The following SSBP4 variants were observed in gnomAD, a reference collection of about 807,000 sequenced individuals.
SSBP4 encodes the protein single-stranded DNA-binding protein 4.
A neutral mutation model predicts 64.6 loss-of-function variants in SSBP4; 33 were observed. That is an observed-to-expected ratio of 0.51 (90% CI 0.39 to 0.68). The LOEUF (loss-of-function observed/expected upper bound fraction) is 0.68. Ranked by LOEUF, SSBP4 falls within the 30% of genes least tolerant of loss-of-function variation. SSBP4 has a pLI of 0.00. For synonymous variants in SSBP4, 243 were observed against 224.0 expected (o/e 1.08, Z -0.76); for missense variants, 583 against 566.8 (o/e 1.03, Z -0.29).
the SSBP4 span, among the ~76,000 whole-genome samples, chr19:18,403,500 G>C: frequency 2.6e-5 from 4 of 152,262 alleles, 1 homozygote; most frequent in African/African-American, 9.6e-5. Flanking sequence ...GAGGTCTGTG[G>C]GTTCTGGGGT....
In SSBP4 at chr19:18,427,181, G is replaced by A. The variant is rs1055784264; in HGVS notation, c.60-170G>A. Among the ~76,000 whole-genome samples the A allele has an allele frequency of 2.6e-5, 4 of 152,122 alleles. No homozygotes were observed. Among genetic ancestry groups the A allele is most frequent in the Non-Finnish European group, 1.5e-5 (1 of 67,992 alleles). ...AATTCGGCCCGGAATTGGGGGTCAC[G>A]GATGCCTGGGAGGGGCCTGCAGGAC... is the stretch of plus-strand genomic sequence containing the variant. On this transcript the variant is annotated intron_variant, in intron 1 of 17. Transcript: ENST00000270061. This position sits in a 1 kb window ranked among gnomAD's most constrained non-coding sequence, Gnocchi z 4.4.
intron 15 of SSBP4, 66 bp from the exon 16 acceptor site, chr19:18,433,519 C>G (rs1973673549): frequency 3.2e-6 from 5 of 1,541,264 alleles, no homozygotes; most frequent in East Asian, 2.5e-5. Context: ...GTCGTTGGCC[C>G]CTGGAGGCCG....
At chr19:18,420,653 A>C (rs538037437) in intron 1 of SSBP4, among the ~76,000 whole-genome samples, 2 of 151,998 alleles carry the variant, frequency 1.3e-5, no homozygotes, top group African/African-American at 4.8e-5. Context: ...AGGCCAAGAG[A>C]TCGAGACAAT....
At chr19:18,414,146 A>C (rs1035140308), upstream of SSBP4, among the ~76,000 whole-genome samples, 2 of 152,204 alleles carry the variant, frequency 1.3e-5, no homozygotes, top group Non-Finnish European at 2.9e-5. Flanking sequence ...GCCAGCGTGC[A>C]CCCAGAGCTA....
At chr19:18,433,853 G>T (rs1426716006) in intron 17 of SSBP4, 36 bp downstream of exon 17, 3 of 1,232,968 alleles carry the variant, frequency 2.4e-6, no homozygotes, top group Non-Finnish European at 2.0e-6. Context: ...CCGCGGCGGC[G>T]TCGGGCCGGA....
chr19:18,433,228 C>G lies in SSBP4; in HGVS notation c.991+15C>G, dbSNP rs1973612622. On this transcript the variant is annotated intron_variant, in intron 15 of 17. Coordinates refer to ENST00000270061, the MANE Select transcript of SSBP4 (RefSeq NM_032627.5). ...CGGATCCCTGGGTGAGTGGGCGTCC[C>G]TGCTCCCGCCCACGTTGCCTTCCGG... The G allele has an allele frequency of 3.9e-6, 6 of 1,550,686 alleles. No homozygotes were observed. Among genetic ancestry groups the G allele is most frequent in the Non-Finnish European group, 5.2e-6 (6 of 1,147,352 alleles).
At chr19:18,433,839 C>G in intron 17 of SSBP4, 22 bp downstream of exon 17, 4 of 1,369,494 alleles carry the variant, frequency 2.9e-6, no homozygotes, top group Non-Finnish European at 2.8e-6. Context: ...CGTCGACTCC[C>G]CCCCCGCGGC....
the SSBP4 span, among the ~76,000 whole-genome samples, chr19:18,412,933 G>T: frequency 6.6e-6 from 1 of 152,168 alleles, no homozygotes; most frequent in East Asian, 1.9e-4. Context: ...GGGGTGAGGG[G>T]ATACCTGGGA....
the SSBP4 span, among the ~76,000 whole-genome samples, chr19:18,403,709 G>C: frequency 6.8e-6 from 1 of 147,384 alleles, no homozygotes; most frequent in Non-Finnish European, 1.5e-5. Flanking sequence ...GGGTCCTGAG[G>C]TCTGGGGGTC....
At chr19:18,425,973 A>C (rs944388226) in intron 1 of SSBP4, 1 of 152,354 alleles carries the variant, frequency 6.6e-6, no homozygotes, top group South Asian at 2.1e-4. Flanking sequence ...GGGTGTGTGC[A>C]CTGCGCAAAA....
At chr19:18,433,929 C>A (rs1428968732) in intron 17 of SSBP4, 112 bp downstream of exon 17, 2 of 1,250,666 alleles carry the variant, frequency 1.6e-6, no homozygotes, top group African/African-American at 3.2e-5. Context: ...CCGCGGCGGG[C>A]CAGGTGGGGG....
At chr19:18,433,442 C>T (rs1158387045) in intron 15 of SSBP4, 143 bp from the exon 16 acceptor site, 16 of 1,424,436 alleles carry the variant, frequency 1.1e-5, no homozygotes, top group Non-Finnish European at 1.5e-5. Context: ...CTCCACCTGG[C>T]CTCAGTCCCG....
chr19:18,431,588 G>A lies in SSBP4; in HGVS notation c.436-59G>A, dbSNP rs180672458. On this transcript the variant is annotated intron_variant, in intron 6 of 17. Coordinates refer to ENST00000270061, the MANE Select transcript of SSBP4 (RefSeq NM_032627.5). ...CGGGGGCCCCAGCATAGCAGGAATG[G>A]GGTAGCTTTGGGGACCAGAGGGTGG... 9.2e-5 allele frequency: 139 copies of A among 1,512,390 alleles called. No homozygotes were observed. The African/African-American group carries it at 1.7e-3, about 19-fold the overall frequency. 93.7% of individuals were successfully genotyped at this position (1,512,390 alleles called of 1,614,324 possible). A position where few individuals can be genotyped will look rare whatever the true frequency, so the allele number is the denominator to read the frequency against.
chr19:18,425,058 C>G (rs951772137), intron 1 of SSBP4, among the ~76,000 whole-genome samples: 2 of 43,214 alleles, frequency 4.6e-5, no homozygotes, highest in African/African-American at 9.4e-5. Flanking sequence ...AGCTGGTAGC[C>G]GGGGGCGGGG....
intron 15 of SSBP4, 54 bp downstream of exon 15, chr19:18,433,267 C>A: frequency 6.5e-7 from 1 of 1,528,926 alleles, no homozygotes; most frequent in East Asian, 2.5e-5. Context: ...CGTGCGCTCC[C>A]TGGCTGCTTC....
chr19:18,406,958 C>A, the SSBP4 span, among the ~76,000 whole-genome samples: 2 of 152,154 alleles, frequency 1.3e-5, no homozygotes, highest in Non-Finnish European at 2.9e-5. Context: ...CACTTCCAAG[C>A]TGTGTGACCT....
At chr19:18,432,473 A>G in intron 10 of SSBP4, 86 bp from the exon 11 acceptor site, 2 of 1,498,022 alleles carry the variant, frequency 1.3e-6, no homozygotes, top group South Asian at 1.3e-5. Flanking sequence ...CTGGGGATAC[A>G]GTGGAGCAGG....
upstream of SSBP4, among the ~76,000 whole-genome samples, chr19:18,414,181 C>T (rs984794207): frequency 1.3e-5 from 2 of 152,226 alleles, no homozygotes; most frequent in Non-Finnish European, 2.9e-5. Flanking sequence ...AGACCCTCCT[C>T]CTAGACCTGG....
chr19:18,415,726 G>A (rs28706490), upstream of SSBP4, among the ~76,000 whole-genome samples: 1,562 of 152,268 alleles, frequency 0.01, 26 homozygotes, highest in African/African-American at 0.035. Context: ...GGCAGGAACC[G>A]CTAGCGCAAA....
Sources: allele counts gnomAD v4.1 joint callset (sites outside exome capture counted in the v4.1 genomes callset), GRCh38; gene constraint gnomAD v4.1.1; non-coding constraint Gnocchi (gnomAD v3.1); transcripts MANE v1.5; gene names NCBI Gene and HGNC (gene_info 2026-07-23, HGNC 2026-07-21).